The following LIPJ variants were observed in gnomAD, a reference collection of about 807,000 sequenced individuals.
The protein encoded by LIPJ is lipase family member J, also known as lipase member J.
LIPJ carries 33 observed loss-of-function variants against 39.8 expected under a neutral mutation model. The ratio of observed to expected loss-of-function variants is 0.83; its 90% CI spans 0.63 to 1.11. The LOEUF (loss-of-function observed/expected upper bound fraction) is 1.11, where lower values mean the gene tolerates loss of function less well. Among genes scored for constraint, LIPJ ranks in the 50% least tolerant of loss-of-function variants. LIPJ has a pLI of 0.00. For missense variants in LIPJ, 422 were observed against 427.9 expected (o/e 0.99, Z 0.12); for synonymous variants, 128 against 139.2 (o/e 0.92, Z 0.57).
exon 11 of LIPJ, chr10:88,606,742 C>T (rs200412114): frequency 7.4e-5 from 119 of 1,613,358 alleles, no homozygotes; most frequent in Admixed American, 1.5e-4. Flanking sequence ...GTAAAAGTGA[C>T]TTGTTGGCTG....
chr10:88,585,534 CT>C (rs1197165502), upstream of LIPJ: 1 of 152,160 alleles, frequency 6.6e-6, no homozygotes, highest in Non-Finnish European at 1.5e-5. Flanking sequence ...AAGGTCGGAA[CT>C]TTCTCTTCAC....
the LIPJ span, among the ~76,000 whole-genome samples, chr10:88,613,677 G>C: frequency 2.0e-5 from 3 of 148,772 alleles, no homozygotes; most frequent in Admixed American, 1.4e-4. Flanking sequence ...CCAGGGAGTA[G>C]GAAAAGAAGT....
chr10:88,606,641 A>G, intron 10 of LIPJ, 33 bp from the exon 11 acceptor site: 2 of 1,338,852 alleles, frequency 1.5e-6, no homozygotes, highest in Non-Finnish European at 2.1e-6. Context: ...ATCATCTCCT[A>G]TGAAAACTAT....
At chr10:88,611,951 T>C (rs1851757317), downstream of LIPJ, among the ~76,000 whole-genome samples, 1 of 152,204 alleles carries the variant, frequency 6.6e-6, no homozygotes, top group South Asian at 2.1e-4. Context: ...GATCATTGCC[T>C]AGGCACATAG....
downstream of LIPJ, among the ~76,000 whole-genome samples, chr10:88,610,417 A>G (rs1277976422): frequency 6.6e-6 from 1 of 152,188 alleles, no homozygotes; most frequent in Non-Finnish European, 1.5e-5. Flanking sequence ...ATACTTAAAA[A>G]TACAGATAAA....
At chr10:88,621,376 C>G in the LIPJ span, among the ~76,000 whole-genome samples, 8 of 152,214 alleles carry the variant, frequency 5.3e-5, no homozygotes, top group East Asian at 1.5e-3. Flanking sequence ...GGGCAAATCT[C>G]AAATGCATTA....
At chr10:88,606,450 A>G (rs1851667241) in intron 10 of LIPJ, among the ~76,000 whole-genome samples, 1 of 152,210 alleles carries the variant, frequency 6.6e-6, no homozygotes, top group Admixed American at 6.5e-5. Flanking sequence ...TTGAATTAGA[A>G]CAAACTGTCT....
chr10:88,619,199 T>A, the LIPJ span, among the ~76,000 whole-genome samples: 5 of 106,524 alleles, frequency 4.7e-5, no homozygotes, highest in Admixed American at 2.2e-4. Context: ...ACAATAAACC[T>A]TGCTACTGCT....
At chr10:88,582,943 C>T, upstream of LIPJ, 1 of 1,126,046 alleles carries the variant, frequency 8.9e-7, no homozygotes, top group South Asian at 1.8e-5. Flanking sequence ...ATGGGCCGCG[C>T]TACACGGCCG....
At chr10:88,589,501 A>G (rs1851013190) in intron 2 of LIPJ, among the ~76,000 whole-genome samples, 1 of 151,936 alleles carries the variant, frequency 6.6e-6, no homozygotes, top group African/African-American at 2.4e-5. Flanking sequence ...CCAAATATAA[A>G]TACCTGGACC....
At chr10:88,601,168 G>A (rs1341277267) in intron 8 of LIPJ, among the ~76,000 whole-genome samples, 5 of 151,952 alleles carry the variant, frequency 3.3e-5, no homozygotes, top group South Asian at 2.1e-4. Context: ...GGCTGGTCTC[G>A]AACTCCTGAC....
intron 4 of LIPJ, chr10:88,592,576 C>T (rs554858207): frequency 6.6e-6 from 1 of 151,850 alleles, no homozygotes; most frequent in Admixed American, 6.6e-5. Flanking sequence ...GTTCAAGGTT[C>T]CCATAAAAAT....
chr10:88,582,948 C>G (rs1167852704), upstream of LIPJ: 1 of 1,156,428 alleles, frequency 8.6e-7, no homozygotes, highest in Admixed American at 2.9e-5. Flanking sequence ...CCGCGCTACA[C>G]GGCCGCTCAG....
In LIPJ at chr10:88,597,654, C is replaced by A. The variant is rs1169719284; in HGVS notation, c.723+718C>A. Among the ~76,000 whole-genome samples, 3 of 151,892 alleles carry A rather than the reference C, an allele frequency of 2.0e-5. No individual in the cohort carries two copies. The East Asian group carries it at 5.8e-4, about 29-fold the overall frequency. On this transcript the variant is annotated intron_variant, in intron 8 of 10. Transcript: ENST00000371939. ...CTTAATTCCCAAACACATTTTTATGCCACAAGGACATGTTTGTTGACTTTG... is the reference window on the plus strand; with the variant it reads ...CTTAATTCCCAAACACATTTTTATGACACAAGGACATGTTTGTTGACTTTG...
At chr10:88,594,381 C>T in intron 5 of LIPJ, 1 of 506,810 alleles carries the variant, frequency 2.0e-6, no homozygotes, top group East Asian at 3.3e-5. Flanking sequence ...TGACCAACCC[C>T]ATCCTTCCTT....
chr10:88,594,160 A>G lies in LIPJ; in HGVS notation c.329+16A>G. ...GGGCTTTCAGGTACAAATAAAATGA[A>G]GTAACATTTCATTTTATAAGTGTAT... On this transcript the variant is annotated intron_variant, in intron 5 of 10. Coordinates refer to ENST00000371939, the Ensembl canonical transcript of LIPJ. 19 of 1,584,736 alleles carry G rather than the reference A, an allele frequency of 1.2e-5. No individual in the cohort carries two copies. The highest frequency in any genetic ancestry group is 1.6e-5 in the Non-Finnish European group (19 of 1,159,878).
intron 8 of LIPJ, among the ~76,000 whole-genome samples, chr10:88,600,948 T>G (rs1851452271): frequency 6.6e-6 from 1 of 151,542 alleles, no homozygotes; most frequent in East Asian, 1.9e-4. Context: ...TATCTTATTT[T>G]TTATTTTTTA....
At chr10:88,589,064 T>C (rs1851001548) in intron 2 of LIPJ, among the ~76,000 whole-genome samples, 1 of 151,876 alleles carries the variant, frequency 6.6e-6, no homozygotes, top group Non-Finnish European at 1.5e-5. Flanking sequence ...ATTATGCCTA[T>C]TTTCCCAAGA....
At chr10:88,614,526 T>A in the LIPJ span, among the ~76,000 whole-genome samples, 3 of 152,166 alleles carry the variant, frequency 2.0e-5, no homozygotes, top group African/African-American at 7.2e-5. Context: ...GTCAAACCTG[T>A]GTATTAAAAT....
Sources: gnomAD v4.1 joint callset for allele counts (sites outside exome capture counted in the v4.1 genomes callset) on GRCh38, gnomAD v4.1.1 for gene constraint, MANE v1.5 for transcripts, NCBI Gene and HGNC (gene_info 2026-07-23, HGNC 2026-07-21) for gene names.